Variants in CEP63 observed in about 807,000 individuals in gnomAD.
CEP63 encodes the protein centrosomal protein of 63 kDa.
A neutral mutation model predicts 89.1 loss-of-function variants in CEP63; 84 were observed. That is an observed-to-expected ratio of 0.94 (90% CI 0.79 to 1.13). CEP63 has a LOEUF of 1.13. Ranked by LOEUF, CEP63 falls within the 50% of genes most tolerant of loss-of-function variation. CEP63 has a pLI of 0.00. For missense variants in CEP63, 838 were observed against 813.3 expected (o/e 1.03, Z -0.37); for synonymous variants, 267 against 272.5 (o/e 0.98, Z 0.20).
At chr3:134,537,716 C>T (rs1577173291) in intron 6 of CEP63, among the ~76,000 whole-genome samples, 1 of 152,092 alleles carries the variant, frequency 6.6e-6, no homozygotes, top group Admixed American at 6.5e-5. Flanking sequence ...CTTGTTGGGT[C>T]TCTCAGCTCT....
the CEP63 span, among the ~76,000 whole-genome samples, chr3:134,633,299 A>G: frequency 6.6e-6 from 1 of 152,128 alleles, no homozygotes; most frequent in East Asian, 1.9e-4. Flanking sequence ...ACAGCAAAAG[A>G]AAAGAACACT....
the CEP63 span, among the ~76,000 whole-genome samples, chr3:134,664,091 C>A: frequency 1.3e-5 from 2 of 152,182 alleles, no homozygotes; most frequent in African/African-American, 4.8e-5. Context: ...CACCTAGGGG[C>A]TGCTCTGGCC....
chr3:134,781,714 GA>G, the CEP63 span, among the ~76,000 whole-genome samples: 1 of 152,238 alleles, frequency 6.6e-6, no homozygotes, highest in Non-Finnish European at 1.5e-5. Flanking sequence ...TGATGTTTAA[GA>G]AAGCAACAGA....
intron 11 of CEP63, among the ~76,000 whole-genome samples, chr3:134,570,919 AAGAG>A (rs1224852065): frequency 6.6e-6 from 1 of 152,198 alleles, no homozygotes; most frequent in Non-Finnish European, 1.5e-5. Flanking sequence ...AGCAGGCAAA[AAGAG>A]AGCCTGTGCA....
rs777655393 is a variant in CEP63 at position 134,507,167 on chromosome 3, A to G, written c.103A>G (p.Met35Val). Residue 35 changes from methionine (M) to valine (V), a missense_variant, in exon 3 of 15, where the codon ATG becomes GTG. Met to Val is a conservative substitution (Grantham distance 21, BLOSUM62 1). Transcript: ENST00000675561. The part of the protein sequence containing the change: ...LQELMKQIDI[M>V]VAHKKSEWEG... ...GGAGCTCATGAAACAGATTGACATA[A>G]TGGTGGCTCATAAAAAATCTGAATG... 1.2e-6 allele frequency: 2 copies of G among 1,613,794 alleles called. No homozygotes were observed. Among genetic ancestry groups the G allele is most frequent in the Non-Finnish European group, 1.7e-6 (2 of 1,179,848 alleles).
the CEP63 span, among the ~76,000 whole-genome samples, chr3:134,718,908 G>C: frequency 6.6e-6 from 1 of 152,168 alleles, no homozygotes; most frequent in Admixed American, 6.5e-5. Context: ...CGGCTGTGGT[G>C]AACTTTTGAT....
At chr3:134,652,612 C>T in the CEP63 span, among the ~76,000 whole-genome samples, 2 of 151,592 alleles carry the variant, frequency 1.3e-5, no homozygotes, top group Non-Finnish European at 2.9e-5. Context: ...TAAAGTGAGT[C>T]TTGTCCTGTC....
chr3:134,640,700 T>C, the CEP63 span, among the ~76,000 whole-genome samples: 1 of 152,246 alleles, frequency 6.6e-6, no homozygotes, highest in African/African-American at 2.4e-5. Flanking sequence ...CAAAGCCAAA[T>C]TTGAATTCAT....
At chr3:134,547,281 T>C in intron 8 of CEP63, 54 bp from the exon 9 acceptor site, 1 of 1,546,842 alleles carries the variant, frequency 6.5e-7, no homozygotes, top group South Asian at 1.1e-5. Context: ...AGATGAGCAT[T>C]ATTTTTGTTT....
At chr3:134,588,913 CA>C (rs2107681799), downstream of CEP63, among the ~76,000 whole-genome samples, 1 of 152,194 alleles carries the variant, frequency 6.6e-6, no homozygotes, top group Non-Finnish European at 1.5e-5. Context: ...CAGACAGTAA[CA>C]AAAAGGCATC....
At chr3:134,637,821 TGAAA>T in the CEP63 span, among the ~76,000 whole-genome samples, 1 of 152,240 alleles carries the variant, frequency 6.6e-6, no homozygotes, top group African/African-American at 2.4e-5. Context: ...TGTCTCTTTG[TGAAA>T]GAGTGATCAA....
chr3:134,745,394 C>A, the CEP63 span, among the ~76,000 whole-genome samples: 5 of 152,162 alleles, frequency 3.3e-5, no homozygotes, highest in African/African-American at 1.2e-4. Flanking sequence ...GTAAATGATG[C>A]ATTCTCTCCT....
At chr3:134,663,014 G>A in the CEP63 span, among the ~76,000 whole-genome samples, 2 of 152,186 alleles carry the variant, frequency 1.3e-5, no homozygotes, top group African/African-American at 2.4e-5. Flanking sequence ...GTCCAGCTTC[G>A]CTTTTCTGAT....
At chr3:134,667,705 TCAC>T in the CEP63 span, among the ~76,000 whole-genome samples, 1 of 152,146 alleles carries the variant, frequency 6.6e-6, no homozygotes, top group African/African-American at 2.4e-5. Flanking sequence ...TGCCCAGCCC[TCAC>T]CCCTTGAGAA....
the CEP63 span, among the ~76,000 whole-genome samples, chr3:134,659,921 C>T: frequency 6.6e-6 from 1 of 152,180 alleles, no homozygotes; most frequent in Admixed American, 6.5e-5. Context: ...CTTGCCTGTC[C>T]CCGGGGCAGA....
At chr3:134,603,772 T>C in the CEP63 span, 3 of 1,612,530 alleles carry the variant, frequency 1.9e-6, no homozygotes, top group Admixed American at 1.7e-5. Flanking sequence ...CAGCTTCAAT[T>C]TGAATGGGAC....
chr3:134,513,828 G>A (rs1945575127), intron 3 of CEP63, among the ~76,000 whole-genome samples: 1 of 152,106 alleles, frequency 6.6e-6, no homozygotes, highest in South Asian at 2.1e-4. Flanking sequence ...GAGTGCTACT[G>A]TCCCCAGGCA....
chr3:134,760,294 C>T, the CEP63 span, among the ~76,000 whole-genome samples: 1 of 152,056 alleles, frequency 6.6e-6, no homozygotes, highest in Non-Finnish European at 1.5e-5. Flanking sequence ...CTCCTGACCT[C>T]GTGATCCGCC....
chr3:134,486,057 G>C lies in CEP63; in HGVS notation c.-171G>C. The stretch of plus-strand genomic sequence containing the variant: ...TCCTCGGATTCCCGGATGTGGGTGA[G>C]TTCATTTGCTCGCGTGCAGGGGAAG... On this transcript the variant is annotated 5_prime_UTR_variant, in exon 1 of 15. Transcript: ENST00000675561. 2.0e-6 allele frequency: 2 copies of C among 985,442 alleles called. No homozygotes were observed. The highest frequency in any genetic ancestry group is 2.4e-6 in the Non-Finnish European group (2 of 830,020). The allele number at this position is 985,442 out of a possible 1,614,324, so 61.0% of individuals were successfully genotyped here. A position where few individuals can be genotyped will look rare whatever the true frequency, so the allele number is the denominator to read the frequency against.
Sources: allele counts gnomAD v4.1 joint callset (sites outside exome capture counted in the v4.1 genomes callset), GRCh38; gene constraint gnomAD v4.1.1; transcripts MANE v1.5; gene names NCBI Gene and HGNC (gene_info 2026-07-23, HGNC 2026-07-21).